Variants in CBARP observed in about 807,000 individuals in gnomAD.
The protein encoded by CBARP is voltage-dependent calcium channel beta subunit-associated regulatory protein.
CBARP carries 24 observed loss-of-function variants against 36.3 expected under a neutral mutation model. The observed-to-expected ratio is 0.66, with a 90% CI of 0.48 to 0.93. The LOEUF (loss-of-function observed/expected upper bound fraction) is 0.93, where lower values mean the gene tolerates loss of function less well. Among genes scored for constraint, CBARP ranks in the 40% least tolerant of loss-of-function variants. The probability of loss-of-function intolerance (pLI) is 0.00; values close to 1 mark genes in which losing one functional copy is unlikely to be tolerated. For synonymous variants in CBARP, 586 were observed against 453.2 expected, an observed-to-expected ratio of 1.29 and a Z score of -3.72; for missense variants, 1,146 against 980.4, an observed-to-expected ratio of 1.17 and a Z score of -2.26.
Position 1,228,722 on chromosome 19 carries a change from C to A in CBARP, c.*457G>T, listed in dbSNP as rs1032324853. The A allele has an allele frequency of 6.8e-6, 1 of 147,948 alleles. No individual in the cohort carries two copies. Among genetic ancestry groups the A allele is most frequent in the Admixed American group, 6.7e-5 (1 of 14,870 alleles). The allele number at this position is 147,948 out of a possible 1,614,324, so 9.2% of individuals were successfully genotyped here. On this transcript the variant is annotated 3_prime_UTR_variant, in exon 10 of 10. Coordinates refer to ENST00000650044, the MANE Select transcript of CBARP (RefSeq NM_001393918.1). ...GTCTGCGACCGTTAGCGCCCCGCGG[C>A]CCCCGCCCGGGCGAGCTCGCGCACG... is the stretch of plus-strand genomic sequence containing the variant.
At position 1,229,963 on chromosome 19, in the gene CBARP, T is replaced by G; in HGVS notation, c.1334A>C (p.Glu445Ala). Residue 445 changes from glutamate (E) to alanine (A), a missense_variant, in exon 10 of 10, where the codon GAG becomes GCG. Coordinates refer to ENST00000650044, the MANE Select transcript of CBARP (RefSeq NM_001393918.1). This position sits in a 1 kb window ranked among gnomAD's most constrained non-coding sequence, Gnocchi z 5.1. ...GTGGTCCGAGGCGGCCGCATGCAGC[T>G]CAAGCGAGGCGCGCAGGCTCCACAG... ...RDLWSLRASL[E>A]LHAAASDHSS... The G allele has an allele frequency of 8.3e-7, 1 of 1,212,036 alleles. No individual in the cohort carries two copies. Among genetic ancestry groups the G allele is most frequent in the Non-Finnish European group, 1.1e-6 (1 of 952,112 alleles). The allele number at this position is 1,212,036 out of a possible 1,614,324, so 75.1% of individuals were successfully genotyped here.
Position 1,229,568 on chromosome 19 carries a change from C to T in CBARP, c.1729G>A (p.Ala577Thr). Residue 577 changes from alanine to threonine, a missense_variant, in exon 10 of 10, where the codon GCC becomes ACC. Ala to Thr is a moderately conservative substitution (Grantham distance 58, BLOSUM62 0). Transcript: ENST00000650044. This position sits in a 1 kb window ranked among gnomAD's most constrained non-coding sequence, Gnocchi z 5.1. ...ARHRARAHPH[A>T]RKQWQRGRQH... ...CGGCCACGCTGCCACTGTTTGCGGG[C>T]GTGCGGGTGCGCGCGGGCGCGGTGT... 1.8e-6 allele frequency: 2 copies of T among 1,094,278 alleles called. No individual in the cohort carries two copies. Among genetic ancestry groups the T allele is most frequent in the South Asian group, 1.9e-5 (1 of 53,492 alleles). 67.8% of individuals were successfully genotyped at this position (1,094,278 alleles called of 1,614,324 possible). A position where few individuals can be genotyped will look rare whatever the true frequency, so the allele number is the denominator to read the frequency against.
intron 5 of CBARP, 116 bp downstream of exon 5, chr19:1,234,885 C>G: frequency 6.7e-7 from 1 of 1,502,836 alleles, no homozygotes; most frequent in Non-Finnish European, 8.9e-7. Context: ...CCCCACGGTC[C>G]CAGTCCAGGA....
chr19:1,235,618 G>A, intron 3 of CBARP, 53 bp from the exon 4 acceptor site: 1 of 1,588,504 alleles, frequency 6.3e-7, no homozygotes, highest in Non-Finnish European at 8.6e-7. Flanking sequence ...GATAGCCACA[G>A]TGGGTCTCGG....
chr19:1,236,731 A>G (rs1311000324), intron 1 of CBARP, among the ~76,000 whole-genome samples: 3 of 151,640 alleles, frequency 2.0e-5, no homozygotes, highest in African/African-American at 4.8e-5. Context: ...CAAGGGACAA[A>G]GAAGGCGCAT....
intron 9 of CBARP, chr19:1,230,591 G>A (rs2080877100): frequency 5.1e-6 from 6 of 1,176,658 alleles, no homozygotes; most frequent in South Asian, 3.7e-5. Flanking sequence ...AGGGTCACCC[G>A]CCATACCAGG....
At chr19:1,237,236 TC>T (rs1168714365) in intron 1 of CBARP, among the ~76,000 whole-genome samples, 2 of 152,062 alleles carry the variant, frequency 1.3e-5, no homozygotes, top group African/African-American at 4.8e-5. Context: ...GGGGCTGGTG[TC>T]CTCAGCGCTC....
Position 1,231,280 on chromosome 19 carries a change from G to A in CBARP, c.980-5C>T, listed in dbSNP as rs759199749. Reference sequence around the variant, plus strand: ...AGTGGTGCCGCTTGGGGGAACCTGCGCACGGGATGTGCCGTAAGCGTCAGC... The same window carrying A: ...AGTGGTGCCGCTTGGGGGAACCTGCACACGGGATGTGCCGTAAGCGTCAGC... On this transcript the variant is annotated splice_region_variant and splice_polypyrimidine_tract_variant and intron_variant, in intron 8 of 9. Transcript: ENST00000650044. The A allele has an allele frequency of 1.9e-5, 30 of 1,599,116 alleles. No individual in the cohort carries two copies. The highest frequency in any genetic ancestry group is 1.7e-4 in the Middle Eastern group (1 of 5,952).
chr19:1,233,933 G>A (rs2080927212), intron 7 of CBARP, among the ~76,000 whole-genome samples: 1 of 152,210 alleles, frequency 6.6e-6, no homozygotes, highest in Admixed American at 6.5e-5. Flanking sequence ...AGGGAGGGCA[G>A]GGGTGGCGCA....
chr19:1,233,352 G>T, intron 8 of CBARP, 74 bp downstream of exon 8: 1 of 1,402,630 alleles, frequency 7.1e-7, no homozygotes. Context: ...CCTGCTCCTG[G>T]ATGTCCAGGG....
intron 8 of CBARP, among the ~76,000 whole-genome samples, chr19:1,232,585 C>T (rs2080908349): frequency 6.6e-6 from 1 of 152,214 alleles, no homozygotes; most frequent in African/African-American, 2.4e-5. Context: ...CCCACACAAA[C>T]TCCTGCCTCG....
In CBARP at chr19:1,233,420, G is replaced by A; in HGVS notation, c.979+6C>T. 1 of 1,581,156 alleles carries A rather than the reference G, an allele frequency of 6.3e-7. No individual in the cohort carries two copies. On this transcript the variant is annotated splice_donor_region_variant and intron_variant, in intron 8 of 9. Coordinates refer to ENST00000650044, the MANE Select transcript of CBARP (RefSeq NM_001393918.1). ...GGCCCACTCTCCACCAGGTGCTACA[G>A]CTCACCTCTCGTGTCCAGACTGGCT...
chr19:1,229,617 G>A lies in CBARP; in HGVS notation c.1680C>T (p.Phe560=), dbSNP rs1173728870. The change falls in exon 10 of 10, where the codon TTC becomes TTT. Residue 560 remains phenylalanine (F), a synonymous_variant. Coordinates refer to ENST00000650044, the MANE Select transcript of CBARP (RefSeq NM_001393918.1). This position sits in a 1 kb window ranked among gnomAD's most constrained non-coding sequence, Gnocchi z 5.1. ...FHEFLRHDPH[F]DDTPAAARHR... is the part of the protein sequence containing the mutation. ...GTCGCGCGGCAGCCGGCGTGTCGTC[G>A]AAGTGCGGGTCGTGGCGCAGGAACT... 2.9e-5 allele frequency: 35 copies of A among 1,202,198 alleles called. No homozygotes were observed. The highest frequency in any genetic ancestry group is 3.3e-5 in the Non-Finnish European group (31 of 948,404). The allele number at this position is 1,202,198 out of a possible 1,614,324, so 74.5% of individuals were successfully genotyped here.
chr19:1,233,218 C>T (rs1018061041), intron 8 of CBARP, among the ~76,000 whole-genome samples: 6 of 152,218 alleles, frequency 3.9e-5, no homozygotes, highest in African/African-American at 1.4e-4. Context: ...CTGGGTGGGT[C>T]TGGCTCAGGC....
intron 6 of CBARP, 104 bp downstream of exon 6, chr19:1,234,467 T>G: frequency 7.0e-7 from 1 of 1,430,550 alleles, no homozygotes; most frequent in Non-Finnish European, 9.2e-7. Context: ...CATCCCGAGA[T>G]GAGGGCCACC....
chr19:1,235,889 G>A lies in CBARP; in HGVS notation c.135C>T (p.Tyr45=), dbSNP rs748263181. 1.7e-4 allele frequency: 278 copies of A among 1,612,266 alleles called. 6 individuals carry two copies. Among genetic ancestry groups the A allele is most frequent in the South Asian group, 1.5e-3 (133 of 91,080 alleles). ...GCGACATCACCACCACCAGCAGCAC[G>A]TAGTTGTCCAGGATGGGGTCTGGCT... ...TAEPDPILDN[Y]VLLVVVMSLF... The change falls in exon 3 of 10, where the codon TAC becomes TAT. Residue 45 remains tyrosine (Y), a synonymous_variant. Coordinates refer to ENST00000650044, the MANE Select transcript of CBARP (RefSeq NM_001393918.1).
intron 1 of CBARP, 55 bp from the exon 2 acceptor site, chr19:1,236,176 C>T (rs757938450): frequency 4.4e-6 from 6 of 1,362,726 alleles, no homozygotes; most frequent in Non-Finnish European, 5.6e-6. Context: ...CTGCAGGAGC[C>T]ACTGCAGACA....
chr19:1,233,313 G>A (rs2080918007), intron 8 of CBARP, 113 bp downstream of exon 8: 1 of 1,098,676 alleles, frequency 9.1e-7, no homozygotes, highest in Non-Finnish European at 1.3e-6. Flanking sequence ...CAGCCCCAGA[G>A]CACCGGCTCC....
intron 4 of CBARP, 88 bp downstream of exon 4, chr19:1,235,413 A>G: frequency 7.3e-7 from 1 of 1,367,084 alleles, no homozygotes; most frequent in Non-Finnish European, 9.9e-7. Flanking sequence ...ACAGACAGAC[A>G]CAGACGGTCA....
Sources: gnomAD v4.1 joint callset for allele counts (sites outside exome capture counted in the v4.1 genomes callset) on GRCh38, gnomAD v4.1.1 for gene constraint, Gnocchi (gnomAD v3.1) non-coding constraint, MANE v1.5 for transcripts, NCBI Gene and HGNC (gene_info 2026-07-23, HGNC 2026-07-21) for gene names.